PPARGC1A: variants seen among roughly 807,000 people sequenced by gnomAD.
The protein encoded by PPARGC1A is peroxisome proliferator-activated receptor gamma coactivator 1-alpha.
PPARGC1A carries 25 observed loss-of-function variants against 88.7 expected under a neutral mutation model. The observed-to-expected ratio is 0.28, with a 90% confidence interval of 0.21 to 0.39. PPARGC1A has a LOEUF of 0.39. PPARGC1A is among the 10% of genes least tolerant of loss of function. The pLI is 1.00. For synonymous variants in PPARGC1A, 363 were observed against 355.6 expected, an observed-to-expected ratio of 1.02 and a Z score of -0.24; for missense variants, 880 against 968.7, an observed-to-expected ratio of 0.91 and a Z score of 1.22.
the PPARGC1A span, among the ~76,000 whole-genome samples, chr4:24,004,126 G>A: frequency 1.3e-5 from 2 of 152,160 alleles, no homozygotes; most frequent in Non-Finnish European, 2.9e-5. Context: ...GTTGGCTTGA[G>A]TCATCATTGG....
intron 2 of PPARGC1A, among the ~76,000 whole-genome samples, chr4:23,847,676 G>T (rs1397689471): frequency 6.6e-6 from 1 of 152,066 alleles, no homozygotes; most frequent in Non-Finnish European, 1.5e-5. Flanking sequence ...AATTATATAG[G>T]TATACCTTTG....
intron 2 of PPARGC1A, among the ~76,000 whole-genome samples, chr4:23,837,543 C>T (rs1281205160): frequency 2.0e-5 from 3 of 152,116 alleles, no homozygotes. Flanking sequence ...TGGGCCAACT[C>T]CCCCCAAATA....
chr4:23,858,525 T>G (rs1429093134), intron 2 of PPARGC1A, among the ~76,000 whole-genome samples: 1 of 152,328 alleles, frequency 6.6e-6, no homozygotes, highest in South Asian at 2.1e-4. Context: ...CTTTAGGTTC[T>G]TGGGATACAA....
the PPARGC1A span, among the ~76,000 whole-genome samples, chr4:24,328,990 C>T: frequency 1.3e-5 from 2 of 152,222 alleles, no homozygotes; most frequent in Admixed American, 1.3e-4. Context: ...GCACCTGTGT[C>T]AGTCTGAGAG....
chr4:24,350,477 G>T, the PPARGC1A span, among the ~76,000 whole-genome samples: 1 of 152,284 alleles, frequency 6.6e-6, no homozygotes, highest in South Asian at 2.1e-4. Context: ...GAAAAAGGAA[G>T]AGCAAGACAT....
chr4:24,446,493 A>G, the PPARGC1A span, among the ~76,000 whole-genome samples: 9 of 152,146 alleles, frequency 5.9e-5, no homozygotes, highest in Non-Finnish European at 1.2e-4. Flanking sequence ...GAAAGAGGAG[A>G]CAAAGACTAT....
At chr4:23,940,747 T>A in the PPARGC1A span, among the ~76,000 whole-genome samples, 1 of 152,222 alleles carries the variant, frequency 6.6e-6, no homozygotes, top group Non-Finnish European at 1.5e-5. Flanking sequence ...CTGGGCTTTC[T>A]GACAAACTAG....
chr4:24,216,187 G>C, the PPARGC1A span, among the ~76,000 whole-genome samples: 1 of 119,446 alleles, frequency 8.4e-6, no homozygotes, highest in Non-Finnish European at 1.6e-5. Flanking sequence ...TCTCCCTGTC[G>C]CCCAGACCGG....
the PPARGC1A span, among the ~76,000 whole-genome samples, chr4:23,956,251 AT>A: frequency 6.6e-6 from 1 of 152,064 alleles, no homozygotes; most frequent in Non-Finnish European, 1.5e-5. Context: ...GTACATGCCC[AT>A]CACCTGTGGA....
At chr4:24,232,518 C>T in the PPARGC1A span, among the ~76,000 whole-genome samples, 1 of 152,178 alleles carries the variant, frequency 6.6e-6, no homozygotes, top group African/African-American at 2.4e-5. Context: ...TCAAATTTGA[C>T]TTGTATATTT....
chr4:24,433,815 T>C, the PPARGC1A span, among the ~76,000 whole-genome samples: 1 of 152,182 alleles, frequency 6.6e-6, no homozygotes. Context: ...GACAGCCCGA[T>C]TTTTATTGCT....
chr4:24,124,138 C>T, the PPARGC1A span, among the ~76,000 whole-genome samples: 1 of 152,030 alleles, frequency 6.6e-6, no homozygotes, highest in South Asian at 2.1e-4. Flanking sequence ...AAACGATAGC[C>T]GGATACACTA....
chr4:23,885,900 T>C (rs1716791991), intron 1 of PPARGC1A, among the ~76,000 whole-genome samples: 1 of 152,174 alleles, frequency 6.6e-6, no homozygotes, highest in African/African-American at 2.4e-5. Flanking sequence ...TTATTTTAGA[T>C]TGTCAAAGCA....
At chr4:24,269,913 A>G in the PPARGC1A span, among the ~76,000 whole-genome samples, 1 of 152,174 alleles carries the variant, frequency 6.6e-6, no homozygotes, top group African/African-American at 2.4e-5. Context: ...GAACTTAACT[A>G]TGAGATAATA....
At chr4:24,314,654 T>C in the PPARGC1A span, among the ~76,000 whole-genome samples, 1 of 152,242 alleles carries the variant, frequency 6.6e-6, no homozygotes, top group South Asian at 2.1e-4. Flanking sequence ...TTAACAATGA[T>C]CAATTCTGGA....
the PPARGC1A span, among the ~76,000 whole-genome samples, chr4:24,463,237 T>C: frequency 6.6e-6 from 1 of 152,204 alleles, no homozygotes; most frequent in African/African-American, 2.4e-5. Context: ...GGATTAATCT[T>C]TTAGAAATAA....
chr4:24,038,172 C>A, the PPARGC1A span, among the ~76,000 whole-genome samples: 2 of 152,212 alleles, frequency 1.3e-5, no homozygotes, highest in South Asian at 2.1e-4. Context: ...GAATGTCATG[C>A]ATGACCTTGT....
the PPARGC1A span, among the ~76,000 whole-genome samples, chr4:24,177,935 C>CA: frequency 1.3e-5 from 2 of 152,174 alleles, no homozygotes; most frequent in Admixed American, 1.3e-4. Flanking sequence ...AAATCATCTT[C>CA]AATTTTGAAG....
the PPARGC1A span, among the ~76,000 whole-genome samples, chr4:24,360,859 G>A: frequency 6.6e-6 from 1 of 152,162 alleles, no homozygotes; most frequent in African/African-American, 2.4e-5. Flanking sequence ...ATATAGATTT[G>A]TACCTTATAT....
Sources: allele counts gnomAD v4.1 joint callset (sites outside exome capture counted in the v4.1 genomes callset), GRCh38; gene constraint gnomAD v4.1.1; transcripts MANE v1.5; gene names NCBI Gene and HGNC (gene_info 2026-07-23, HGNC 2026-07-21).